Variants in MROH2A observed in about 807,000 individuals in gnomAD.
MROH2A encodes maestro heat like repeat family member 2A.
MROH2A carries 174 observed loss-of-function variants against 200.4 expected under a neutral mutation model. That is an observed-to-expected ratio of 0.87 (90% CI 0.77 to 0.98). MROH2A has a LOEUF of 0.98. Ranked by LOEUF, MROH2A falls within the 50% of genes least tolerant of loss-of-function variation. MROH2A has a pLI of 0.00. For missense variants in MROH2A, 2,045 were observed against 2,139.6 expected (o/e 0.96, Z 0.87); for synonymous variants, 829 against 840.4 (o/e 0.99, Z 0.23).
At chr2:233,824,307 C>T (rs1704159145) in intron 35 of MROH2A, among the ~76,000 whole-genome samples, 1 of 148,448 alleles carries the variant, frequency 6.7e-6, no homozygotes, top group Admixed American at 6.7e-5. Flanking sequence ...TTCTATATTT[C>T]TTTTCCCCAA....
chr2:233,795,688 C>T lies in MROH2A; in HGVS notation c.1002C>T (p.Thr334=), dbSNP rs1373982960. The change falls in exon 9 of 42, where the codon ACC becomes ACT. Residue 334 remains threonine (T), a synonymous_variant. Transcript: ENST00000389758. Reference sequence around the variant, plus strand: ...AGATCCTGGAACTGTCAGTCACCACCAACACCCCTGTCCCCCAAATGCAGC... The same window carrying T: ...AGATCCTGGAACTGTCAGTCACCACTAACACCCCTGTCCCCCAAATGCAGC... ...LRQILELSVT[T]NTPVPQMQLH... 1.9e-6 allele frequency: 3 copies of T among 1,551,130 alleles called. No individual in the cohort carries two copies. Among genetic ancestry groups the T allele is most frequent in the Non-Finnish European group, 2.6e-6 (3 of 1,147,082 alleles).
chr2:233,829,852 G>T (rs955483375), intron 38 of MROH2A, 77 bp downstream of exon 38: 7 of 1,226,310 alleles, frequency 5.7e-6, no homozygotes, highest in Non-Finnish European at 7.3e-6. Context: ...GGGTCTGCTG[G>T]CTCGGTGAGC....
chr2:233,795,745 G>A lies in MROH2A; in HGVS notation c.1059G>A (p.Gln353=). 2 of 1,551,036 alleles carry A rather than the reference G, an allele frequency of 1.3e-6. No homozygotes were observed. Among genetic ancestry groups the A allele is most frequent in the Non-Finnish European group, 1.7e-6 (2 of 1,147,092 alleles). Residue 353 remains glutamine (Q), a splice_region_variant and synonymous_variant, in exon 9 of 42, where the codon CAG becomes CAA. Transcript: ENST00000389758. ...CCATTTTCACAGAACTGCACGTCCA[G>A]GTGAGGCCAGCAAGCTCAGCTGGAC... ...LHTIFTELHV[Q]VCNKAPAQHQ...
In MROH2A at chr2:233,789,520, C is replaced by G; in HGVS notation, c.300C>G (p.Asn100Lys). 1 of 1,457,386 alleles carries G rather than the reference C, an allele frequency of 6.9e-7. No homozygotes were observed. Among genetic ancestry groups the G allele is most frequent in the Non-Finnish European group, 9.1e-7 (1 of 1,102,454 alleles). 90.3% of individuals were successfully genotyped at this position (1,457,386 alleles called of 1,614,324 possible). The change falls in exon 4 of 42, where the codon AAC becomes AAG. Residue 100 changes from asparagine to lysine, a missense_variant. Transcript: ENST00000389758. ...VPEISTQRKV[N>K]IYNILQDIIQ... ...AGATTTCCACCCAGCGCAAGGTCAA[C>G]ATTTACAACATCCTCCAGGACATCA...
intron 8 of MROH2A, 86 bp downstream of exon 8, chr2:233,794,592 G>A (rs1223733552): frequency 8.9e-5 from 62 of 696,100 alleles, no homozygotes; most frequent in Admixed American, 1.1e-4. Context: ...AGTGGGAGCC[G>A]GGGGGATGTC....
At position 233,828,388 on chromosome 2, in the gene MROH2A, T is replaced by TTA. The variant is rs1186173013; in HGVS notation, c.4114-233_4114-232dup. Among the ~76,000 whole-genome samples the TTA allele has an allele frequency of 2.6e-5, 4 of 152,108 alleles. No individual in the cohort carries two copies. The highest frequency in any genetic ancestry group is 6.5e-5 in the Admixed American group (1 of 15,284). On this transcript the variant is annotated intron_variant, in intron 35 of 41. Coordinates refer to ENST00000389758, the MANE Select transcript of MROH2A (RefSeq NM_001394639.1). The surrounding 1 kb of genome is among the most constrained non-coding windows in gnomAD (Gnocchi z 4.6). ...TTACCTGAAAAAATAAATGACGAAT[T>TTA]TATATATATACGTAACACTTATCTA...
chr2:233,816,694 G>A, intron 26 of MROH2A, 87 bp from the exon 27 acceptor site: 5 of 789,328 alleles, frequency 6.3e-6, no homozygotes, highest in Non-Finnish European at 1.1e-5. Context: ...GATCTGAGTA[G>A]GAGGGTGAGG....
chr2:233,819,070 C>A (rs954681605), intron 29 of MROH2A, among the ~76,000 whole-genome samples: 1 of 152,244 alleles, frequency 6.6e-6, no homozygotes. Flanking sequence ...AGGCCCTGCA[C>A]GTGGTGTGGG....
intron 38 of MROH2A, among the ~76,000 whole-genome samples, chr2:233,830,774 C>G (rs1012569403): frequency 1.8e-4 from 27 of 152,218 alleles, no homozygotes; most frequent in African/African-American, 6.5e-4. Context: ...CTCTGCCACA[C>G]CATCCCTGGC....
At chr2:233,794,615 ACT>A (rs1019319862) in intron 8 of MROH2A, 109 bp downstream of exon 8, 11 of 648,198 alleles carry the variant, frequency 1.7e-5, no homozygotes, top group Non-Finnish European at 1.1e-5. Context: ...ATATTTTGAC[ACT>A]GTGTCAGGAA....
At chr2:233,829,582 G>A (rs1335944696) in intron 37 of MROH2A, 38 bp from the exon 38 acceptor site, 2 of 1,359,516 alleles carry the variant, frequency 1.5e-6, no homozygotes, top group East Asian at 6.0e-5. Flanking sequence ...TGGGCTTCCT[G>A]CTGCCTGCAT....
At chr2:233,777,839 C>T (rs1500476), upstream of MROH2A, among the ~76,000 whole-genome samples, 11,216 of 152,274 alleles carry the variant, frequency 0.074, 1,123 homozygotes, top group African/African-American at 0.22. Context: ...CAGGGAAATC[C>T]TTTGGGCTCC....
chr2:233,805,179 A>G, intron 19 of MROH2A, 68 bp downstream of exon 19: 3 of 1,039,962 alleles, frequency 2.9e-6, no homozygotes, highest in Non-Finnish European at 4.3e-6. Flanking sequence ...AGTGGAGAGG[A>G]TAACACCGTG....
intron 21 of MROH2A, 54 bp from the exon 22 acceptor site, chr2:233,809,072 A>C: frequency 6.6e-7 from 1 of 1,517,384 alleles, no homozygotes; most frequent in Non-Finnish European, 8.9e-7. Context: ...CATCACCTGC[A>C]TCTGGAGCAG....
Position 233,831,414 on chromosome 2 carries a change from T to A in MROH2A, c.4608T>A (p.Cys1536Ter), listed in dbSNP as rs1481458507. 6.5e-7 allele frequency: 1 copy of A among 1,549,660 alleles called. No individual in the cohort carries two copies. Among genetic ancestry groups the A allele is most frequent in the African/African-American group, 1.4e-5 (1 of 73,136 alleles). ...GCCGTCCTGTGTCCCTGCAGGCCTG[T>A]ATGGCTACCATGTTTCAGTGTGTGC... ...QDPCSNAAQA[C>*]MATMFQCVHF... Residue 1536 changes from cysteine (C) to a stop codon, truncating the protein, a stop_gained, in exon 39 of 42, where the codon TGT becomes TGA. Transcript: ENST00000389758. LOFTEE classifies it high-confidence loss of function.
At chr2:233,813,505 G>C (rs1056924844) in intron 24 of MROH2A, among the ~76,000 whole-genome samples, 165 bp from the exon 25 acceptor site, 2 of 152,234 alleles carry the variant, frequency 1.3e-5, no homozygotes, top group Non-Finnish European at 2.9e-5. Context: ...CTGGTTACTG[G>C]TCAGAGCCAG....
At chr2:233,818,411 G>A (rs760097430) in intron 28 of MROH2A, among the ~76,000 whole-genome samples, 5 of 152,192 alleles carry the variant, frequency 3.3e-5, no homozygotes, top group Admixed American at 1.3e-4. Context: ...TGCCAAGCAT[G>A]TGACAGAGCT....
In MROH2A at chr2:233,779,798, C is replaced by T. The variant is rs976977824; in HGVS notation, c.222C>T (p.Thr74=). The part of the protein sequence containing the change: ...LASVIIMEKA[T]TEPSVVINTL... Reference sequence around the variant, plus strand: ...CGGTGATAATCATGGAGAAGGCCACCACTGAGCCTTCTGTAGTGATAAACA... The same window carrying T: ...CGGTGATAATCATGGAGAAGGCCACTACTGAGCCTTCTGTAGTGATAAACA... Residue 74 remains threonine (T), a synonymous_variant, in exon 3 of 42, where the codon ACC becomes ACT. Transcript: ENST00000389758. 7.7e-6 allele frequency: 12 copies of T among 1,550,554 alleles called. No homozygotes were observed. The African/African-American group carries it at 1.6e-4, about 21-fold the overall frequency.
intron 32 of MROH2A, 21 bp from the exon 33 acceptor site, chr2:233,822,342 C>T: frequency 1.9e-6 from 3 of 1,549,214 alleles, no homozygotes; most frequent in Non-Finnish European, 2.6e-6. Flanking sequence ...GAGCCCGATG[C>T]CCTGGACCTT....
Sources: gnomAD v4.1 joint callset for allele counts (sites outside exome capture counted in the v4.1 genomes callset) on GRCh38, gnomAD v4.1.1 for gene constraint, Gnocchi (gnomAD v3.1) non-coding constraint, MANE v1.5 for transcripts, NCBI Gene and HGNC (gene_info 2026-07-23, HGNC 2026-07-21) for gene names.